The following DTWD2 variants were observed in gnomAD, a reference collection of about 807,000 sequenced individuals.
DTWD2 encodes DTW motif tRNA-uridine aminocarboxypropyltransferase 2.
In DTWD2, 39 loss-of-function variants were observed where a neutral mutation model predicts 31.8. That is an observed-to-expected ratio of 1.22 (90% CI 0.95 to 1.60). DTWD2 has a LOEUF of 1.60. DTWD2 is among the 40% of genes most tolerant of loss of function. DTWD2 has a pLI of 0.00. For synonymous variants in DTWD2, 180 were observed against 142.8 expected, an observed-to-expected ratio of 1.26 and a Z score of -1.86; for missense variants, 515 against 381.5, an observed-to-expected ratio of 1.35 and a Z score of -2.92.
At chr5:118,962,532 A>T (rs1025385754) in intron 1 of DTWD2, among the ~76,000 whole-genome samples, 1 of 152,224 alleles carries the variant, frequency 6.6e-6, no homozygotes, top group South Asian at 2.1e-4. Context: ...GAATCCAAAA[A>T]AAAATCCTAA....
At chr5:118,859,934 A>G (rs1285304226) in intron 4 of DTWD2, among the ~76,000 whole-genome samples, 1 of 152,058 alleles carries the variant, frequency 6.6e-6, no homozygotes, top group African/African-American at 2.4e-5. Context: ...CCTAGGCAAC[A>G]TGATAAATCC....
At chr5:118,970,051 A>G (rs1754949279) in intron 1 of DTWD2, among the ~76,000 whole-genome samples, 1 of 152,230 alleles carries the variant, frequency 6.6e-6, no homozygotes, top group African/African-American at 2.4e-5. Flanking sequence ...AAGTATCAAC[A>G]GCAAAATAGA....
chr5:118,908,407 A>C (rs1200190657), intron 4 of DTWD2, among the ~76,000 whole-genome samples: 1 of 152,168 alleles, frequency 6.6e-6, no homozygotes, highest in Non-Finnish European at 1.5e-5. Context: ...CAAAAAACCC[A>C]AGCTTCATTG....
chr5:118,981,411 T>C (rs1431986022), intron 1 of DTWD2, among the ~76,000 whole-genome samples: 1 of 152,182 alleles, frequency 6.6e-6, no homozygotes, highest in East Asian at 1.9e-4. Flanking sequence ...CTTGTCTACA[T>C]AAACAGATCA....
rs193159629 is a variant in DTWD2, at chr5:118,948,311, T to C, written c.219-3662A>G. ...TAACACGGTGAAACCCCGTCTCTACTAAAAATACAAAAAAAAAAAATTAGC... is the reference window on the plus strand; with the variant it reads ...TAACACGGTGAAACCCCGTCTCTACCAAAAATACAAAAAAAAAAAATTAGC... On this transcript the variant is annotated intron_variant, in intron 1 of 5. Coordinates refer to ENST00000510708, the MANE Select transcript of DTWD2 (RefSeq NM_173666.4). Among the ~76,000 whole-genome samples, 628 of 150,152 alleles carry C rather than the reference T, an allele frequency of 4.2e-3. 8 individuals carry two copies. The highest frequency in any genetic ancestry group is 0.03 in the East Asian group (155 of 5,128).
At chr5:118,877,734 G>C (rs565572320) in intron 4 of DTWD2, among the ~76,000 whole-genome samples, 1 of 152,106 alleles carries the variant, frequency 6.6e-6, no homozygotes, top group African/African-American at 2.4e-5. Context: ...AAAAGGAAGA[G>C]AGAAAGTCAA....
At chr5:118,952,749 C>T (rs1003149394) in intron 1 of DTWD2, among the ~76,000 whole-genome samples, 1 of 152,118 alleles carries the variant, frequency 6.6e-6, no homozygotes, top group African/African-American at 2.4e-5. Flanking sequence ...GTCTTTAACC[C>T]ATAAATCTGC....
intron 4 of DTWD2, among the ~76,000 whole-genome samples, chr5:118,853,947 G>A (rs1752071905): frequency 6.6e-6 from 1 of 152,144 alleles, no homozygotes; most frequent in African/African-American, 2.4e-5. Context: ...AGTGGAGAAA[G>A]GGACTGTTTA....
chr5:118,887,100 G>C (rs2149557893), intron 4 of DTWD2, among the ~76,000 whole-genome samples: 1 of 152,268 alleles, frequency 6.6e-6, no homozygotes, highest in Non-Finnish European at 1.5e-5. Context: ...TGAGTGGTTT[G>C]GGTGGCTAGA....
intron 4 of DTWD2, among the ~76,000 whole-genome samples, chr5:118,867,032 G>A (rs1373178357): frequency 6.6e-6 from 1 of 151,860 alleles, no homozygotes; most frequent in East Asian, 1.9e-4. Flanking sequence ...GACATTTTTA[G>A]GCTGAAAAAA....
chr5:118,907,044 C>A (rs1753348480), intron 4 of DTWD2, among the ~76,000 whole-genome samples: 1 of 152,168 alleles, frequency 6.6e-6, no homozygotes, highest in Non-Finnish European at 1.5e-5. Context: ...GCTAACATTT[C>A]TTCACCTGGA....
At chr5:118,966,299 G>C (rs1754847818) in intron 1 of DTWD2, among the ~76,000 whole-genome samples, 1 of 152,222 alleles carries the variant, frequency 6.6e-6, no homozygotes, top group Non-Finnish European at 1.5e-5. Context: ...GCATTGAACA[G>C]TTATCTGGTA....
chr5:118,973,653 TCGCGGCAGCC>T (rs1755048582), intron 1 of DTWD2: 6 of 801,696 alleles, frequency 7.5e-6, no homozygotes, highest in South Asian at 6.0e-5. Flanking sequence ...GCCTCCTTGC[TCGCGGCAGCC>T]TCCTTGCTCG....
intron 1 of DTWD2, among the ~76,000 whole-genome samples, chr5:118,966,085 T>A (rs57988123): frequency 0.1 from 15,498 of 152,088 alleles, 878 homozygotes; most frequent in African/African-American, 0.12. Context: ...CATAAAGATA[T>A]CAGCTACGGT....
intron 4 of DTWD2, among the ~76,000 whole-genome samples, chr5:118,926,580 G>A (rs1753813226): frequency 6.6e-6 from 1 of 152,074 alleles, no homozygotes; most frequent in Non-Finnish European, 1.5e-5. Flanking sequence ...TGGGTAGAAA[G>A]AAATCAAAAC....
intron 4 of DTWD2, among the ~76,000 whole-genome samples, chr5:118,863,528 G>C (rs1234561901): frequency 2.0e-5 from 3 of 152,164 alleles, no homozygotes; most frequent in Non-Finnish European, 4.4e-5. Flanking sequence ...CTTAAAAGCA[G>C]ATACAGTTAC....
In DTWD2 at chr5:118,841,032, TG is replaced by T. The variant is rs1450342247; in HGVS notation, c.781del (p.Gln261LysfsTer10). 4.3e-6 allele frequency: 7 copies of T among 1,613,632 alleles called. No homozygotes were observed. The highest frequency in any genetic ancestry group is 1.7e-5 in the Admixed American group (1 of 59,998). ...LCSFQLQHGA[Q>X]IRLSKEHLLK... ...AAGGTGTTCCTTGCTGAGGCGAATT[TG>T]GGCACCATGCTGAAGTTGAAAGGAG... On this transcript the variant is annotated frameshift_variant, in exon 6 of 6. Transcript: ENST00000510708. LOFTEE classifies it high-confidence loss of function.
At chr5:118,963,295 G>C (rs1405384538) in intron 1 of DTWD2, among the ~76,000 whole-genome samples, 1 of 152,224 alleles carries the variant, frequency 6.6e-6, no homozygotes, top group African/African-American at 2.4e-5. Context: ...ACTTGAGCTG[G>C]ACCTTGAAAT....
intron 2 of DTWD2, among the ~76,000 whole-genome samples, chr5:118,941,007 T>C (rs1158887612): frequency 6.6e-6 from 1 of 152,182 alleles, no homozygotes; most frequent in Non-Finnish European, 1.5e-5. Flanking sequence ...CCTTAGGTAA[T>C]TTTACATGTA....
Sources: gnomAD v4.1 joint callset for allele counts (sites outside exome capture counted in the v4.1 genomes callset) on GRCh38, gnomAD v4.1.1 for gene constraint, MANE v1.5 for transcripts, NCBI Gene and HGNC (gene_info 2026-07-23, HGNC 2026-07-21) for gene names.